SP140L: variants seen among roughly 807,000 people sequenced by gnomAD.
The protein encoded by SP140L is nuclear body protein SP140-like protein.
Under a neutral mutation model 84.3 loss-of-function variants are expected in SP140L, and 64 were observed. That is an observed-to-expected ratio of 0.76 (90% CI 0.62 to 0.94). SP140L has a LOEUF of 0.94. Ranked by LOEUF, SP140L falls within the 40% of genes least tolerant of loss-of-function variation. The pLI is 0.00. For missense variants in SP140L, 628 were observed against 692.5 expected (o/e 0.91, Z 1.05); for synonymous variants, 242 against 236.9 (o/e 1.02, Z -0.20).
At chr2:230,395,691 T>A (rs1275764864) in intron 13 of SP140L, among the ~76,000 whole-genome samples, 1 of 152,244 alleles carries the variant, frequency 6.6e-6, no homozygotes, top group African/African-American at 2.4e-5. Flanking sequence ...CAAGGTCACC[T>A]CTCAGGTGCT....
At chr2:230,351,117 T>G (rs1466657703) in intron 2 of SP140L, among the ~76,000 whole-genome samples, 4 of 152,224 alleles carry the variant, frequency 2.6e-5, no homozygotes, top group Non-Finnish European at 5.9e-5. Context: ...TTTTTATTTA[T>G]ATAGGGTAGA....
At chr2:230,349,985 G>A (rs1409078436) in intron 2 of SP140L, among the ~76,000 whole-genome samples, 1 of 152,088 alleles carries the variant, frequency 6.6e-6, no homozygotes, top group African/African-American at 2.4e-5. Flanking sequence ...CTCCAGCCTG[G>A]GGGACAGAGA....
intron 2 of SP140L, among the ~76,000 whole-genome samples, chr2:230,350,968 G>C (rs942355689): frequency 6.6e-6 from 1 of 152,176 alleles, no homozygotes; most frequent in South Asian, 2.1e-4. Flanking sequence ...TGACCAGGCA[G>C]AAGTGATCAA....
chr2:230,352,892 T>C (rs2060409442), intron 2 of SP140L, among the ~76,000 whole-genome samples: 1 of 151,974 alleles, frequency 6.6e-6, no homozygotes, highest in Non-Finnish European at 1.5e-5. Flanking sequence ...GTGGTAATAG[T>C]AGACATTCCT....
intron 11 of SP140L, 63 bp downstream of exon 11, chr2:230,390,086 A>C (rs1186916457): frequency 4.8e-6 from 7 of 1,452,214 alleles, no homozygotes; most frequent in African/African-American, 1.4e-5. Context: ...GAAGTGGTGA[A>C]ATTATTTGTG....
intron 2 of SP140L, among the ~76,000 whole-genome samples, chr2:230,345,854 A>G (rs2060193809): frequency 6.6e-6 from 1 of 152,118 alleles, no homozygotes; most frequent in South Asian, 2.1e-4. Context: ...CTATAGTTAT[A>G]CTTATTTAAA....
At chr2:230,376,407 A>G (rs2061242232) in intron 7 of SP140L, among the ~76,000 whole-genome samples, 1 of 152,210 alleles carries the variant, frequency 6.6e-6, no homozygotes, top group Admixed American at 6.5e-5. Context: ...AAGTTGCAAG[A>G]TTTAAAGATC....
At chr2:230,360,357 A>G (rs1209908410) in intron 4 of SP140L, among the ~76,000 whole-genome samples, 1 of 152,254 alleles carries the variant, frequency 6.6e-6, no homozygotes, top group Non-Finnish European at 1.5e-5. Flanking sequence ...TTTACTAGGC[A>G]ATAAAGAAAT....
At chr2:230,393,087 T>C (rs1334584492) in intron 12 of SP140L, among the ~76,000 whole-genome samples, 1 of 152,144 alleles carries the variant, frequency 6.6e-6, no homozygotes, top group Non-Finnish European at 1.5e-5. Context: ...CTTGGATAGC[T>C]CTGGTGTAGG....
At chr2:230,385,351 C>T in intron 9 of SP140L, 47 bp downstream of exon 9, 2 of 1,570,110 alleles carry the variant, frequency 1.3e-6, no homozygotes, top group Non-Finnish European at 8.8e-7. Flanking sequence ...CAGGTCAATG[C>T]ACATGTTGAG....
intron 5 of SP140L, among the ~76,000 whole-genome samples, chr2:230,366,770 G>A (rs1028396990): frequency 1.3e-5 from 2 of 149,822 alleles, no homozygotes; most frequent in Non-Finnish European, 3.0e-5. Context: ...GTCTCACTCT[G>A]TCACCCAGGC....
chr2:230,351,540 C>T (rs73110350), intron 2 of SP140L, among the ~76,000 whole-genome samples: 18,545 of 152,138 alleles, frequency 0.12, 1,180 homozygotes, highest in Middle Eastern at 0.15. Flanking sequence ...ATCTGTATTG[C>T]TTTTTAAGAA....
At chr2:230,365,553 G>T (rs1247492304) in intron 5 of SP140L, among the ~76,000 whole-genome samples, 1 of 151,388 alleles carries the variant, frequency 6.6e-6, no homozygotes, top group East Asian at 1.9e-4. Context: ...CTAAATGTTT[G>T]TCAATTTTGT....
chr2:230,370,803 G>C, intron 5 of SP140L, 105 bp from the exon 6 acceptor site: 1 of 1,054,698 alleles, frequency 9.5e-7, no homozygotes, highest in South Asian at 1.4e-5. Context: ...GCAGAAAAGA[G>C]GGTTATTGGG....
intron 2 of SP140L, among the ~76,000 whole-genome samples, chr2:230,351,433 A>AT (rs61097362): frequency 0.14 from 21,143 of 152,088 alleles, 2,162 homozygotes; most frequent in East Asian, 0.47. Flanking sequence ...ATTGTTTGTT[A>AT]TTTTTTATTA....
Position 230,385,325 on chromosome 2 carries a change from C to T in SP140L, c.784+21C>T, listed in dbSNP as rs370325107. The stretch of plus-strand genomic sequence containing the variant: ...TAGGGGTAAGATAAAGTTGGTACCA[C>T]TTTTCATTTGCCCTGCAGGTCAATG... On this transcript the variant is annotated intron_variant, in intron 9 of 18. Coordinates refer to ENST00000415673, the MANE Select transcript of SP140L (RefSeq NM_138402.6). 18 of 1,610,720 alleles carry T rather than the reference C, an allele frequency of 1.1e-5. 1 individual carries two copies. The highest frequency in any genetic ancestry group is 1.5e-5 in the Non-Finnish European group (18 of 1,177,342).
chr2:230,383,401 A>G, intron 7 of SP140L, 109 bp from the exon 8 acceptor site: 1 of 1,213,698 alleles, frequency 8.2e-7, no homozygotes, highest in Non-Finnish European at 1.1e-6. Flanking sequence ...ATTTTGCCCC[A>G]TTCCTGTGGA....
chr2:230,355,004 CACTT>C, intron 2 of SP140L, among the ~76,000 whole-genome samples: 1 of 152,082 alleles, frequency 6.6e-6, no homozygotes, highest in South Asian at 2.1e-4. Flanking sequence ...ACAGACATCA[CACTT>C]AGTGATATTG....
Position 230,392,090 on chromosome 2 carries a change from C to G in SP140L, c.968C>G (p.Thr323Ser), listed in dbSNP as rs1419109559. 1 of 1,613,680 alleles carries G rather than the reference C, an allele frequency of 6.2e-7. No individual in the cohort carries two copies. The highest frequency in any genetic ancestry group is 8.5e-7 in the Non-Finnish European group (1 of 1,179,788). ...ILHKEKLEQG[T>S]LAKCIQTEDG... ...TCAAGTTACCCTGGTCTTACAGGAA[C>G]CTTGGCAAAGTGTATACAGACTGAG... Residue 323 changes from threonine (T) to serine (S), a missense_variant, in exon 12 of 19, where the codon ACC (threonine) becomes AGC (serine). Thr to Ser is a moderately conservative substitution (Grantham distance 58, BLOSUM62 1). Around this residue, in one of 4 missense-constraint regions of SP140L, gnomAD observed 525 missense variants for 518.4 expected, o/e 1.01. Coordinates refer to ENST00000415673, the MANE Select transcript of SP140L (RefSeq NM_138402.6).
Sources: gnomAD v4.1 joint callset for allele counts (sites outside exome capture counted in the v4.1 genomes callset) on GRCh38, gnomAD v4.1.1 for gene constraint, gnomAD v4.1.1 regional missense constraint, MANE v1.5 for transcripts, NCBI Gene and HGNC (gene_info 2026-07-23, HGNC 2026-07-21) for gene names.